PHLPP1: variants seen among roughly 807,000 people sequenced by gnomAD.
The protein encoded by PHLPP1 is PH domain and leucine rich repeat protein phosphatase 1.
Under a neutral mutation model 117.2 loss-of-function variants are expected in PHLPP1, and 42 were observed. The observed-to-expected ratio is 0.36, with a 90% CI of 0.28 to 0.46. The LOEUF is 0.46. PHLPP1 is among the 20% of genes least tolerant of loss of function. The pLI, the probability that PHLPP1 is intolerant of heterozygous loss-of-function variation, is 1.00. For missense variants in PHLPP1, 2,084 were observed against 2,241.9 expected (o/e 0.93, Z 1.42); for synonymous variants, 1,042 against 970.7 (o/e 1.07, Z -1.37).
At chr18:62,894,416 CA>C (rs986317923) in intron 4 of PHLPP1, among the ~76,000 whole-genome samples, 3 of 152,058 alleles carry the variant, frequency 2.0e-5, no homozygotes, top group African/African-American at 7.2e-5. Flanking sequence ...AGGCTGGTCC[CA>C]AACTTCTGGC....
At chr18:62,862,778 G>T (rs1403076529) in intron 4 of PHLPP1, among the ~76,000 whole-genome samples, 2 of 152,082 alleles carry the variant, frequency 1.3e-5, no homozygotes, top group African/African-American at 4.8e-5. Flanking sequence ...ATATACTCAG[G>T]GGTTGAGATG....
At chr18:62,902,355 G>T (rs2144406492) in intron 6 of PHLPP1, among the ~76,000 whole-genome samples, 1 of 152,254 alleles carries the variant, frequency 6.6e-6, no homozygotes, top group Middle Eastern at 3.4e-3. Flanking sequence ...AGTTTTGGTG[G>T]TTCATCCTGG....
intron 11 of PHLPP1, among the ~76,000 whole-genome samples, chr18:62,944,668 A>G (rs749677740): frequency 1.2e-4 from 18 of 152,186 alleles, no homozygotes; most frequent in Non-Finnish European, 2.4e-4. Flanking sequence ...AATATGAACT[A>G]TAGACCTGTT....
chr18:62,929,377 T>G lies in PHLPP1; in HGVS notation c.2960+9263T>G, dbSNP rs567033745. Among the ~76,000 whole-genome samples, 5 of 152,298 alleles carry G rather than the reference T, an allele frequency of 3.3e-5. No individual in the cohort carries two copies. In the South Asian group the frequency reaches 1.0e-3, roughly 32 times the overall value. On this transcript the variant is annotated intron_variant, in intron 10 of 16. Coordinates refer to ENST00000262719, the MANE Select transcript of PHLPP1 (RefSeq NM_194449.4). Reference sequence around the variant, plus strand: ...TTGTAATTTATAAATATGTAAGAGTTAATTCATTGTATTAGTCAACATTTT... The same window carrying G: ...TTGTAATTTATAAATATGTAAGAGTGAATTCATTGTATTAGTCAACATTTT...
chr18:62,934,986 C>T (rs1041189793), intron 10 of PHLPP1, among the ~76,000 whole-genome samples: 6 of 152,048 alleles, frequency 3.9e-5, no homozygotes, highest in African/African-American at 9.7e-5. Flanking sequence ...CAAGAAAGCC[C>T]GTTATTTTCA....
At chr18:62,829,720 C>A (rs1054821876) in intron 1 of PHLPP1, among the ~76,000 whole-genome samples, 1 of 152,180 alleles carries the variant, frequency 6.6e-6, no homozygotes, top group Middle Eastern at 3.4e-3. Flanking sequence ...CCACTGCACT[C>A]CAGCCTGGGT....
At chr18:62,850,992 C>T (rs1415103716) in intron 3 of PHLPP1, among the ~76,000 whole-genome samples, 2 of 152,160 alleles carry the variant, frequency 1.3e-5, no homozygotes, top group Non-Finnish European at 2.9e-5. Flanking sequence ...GCTGCATCCT[C>T]TTTAGTGAAT....
rs1265957948 is a variant in PHLPP1 at position 62,979,345 on chromosome 18, C to T, written c.5068C>T (p.Pro1690Ser). Residue 1690 changes from proline (P) to serine (S), a missense_variant, in exon 17 of 17, where the codon CCG becomes TCG. By Grantham distance (74) the Pro-to-Ser change is moderately conservative. Around this residue, in one of 2 missense-constraint regions of PHLPP1, gnomAD observed 1,365 missense variants for 1,605.9 expected, o/e 0.85. Transcript: ENST00000262719. ...HHQEQQQQQQ[P>S]PPPPQLQPQL... The stretch of plus-strand genomic sequence containing the variant: ...CCAGGAGCAACAGCAGCAGCAGCAG[C>T]CGCCACCACCCCCTCAGCTCCAGCC... 3 of 1,548,866 alleles carry T rather than the reference C, an allele frequency of 1.9e-6. No individual in the cohort carries two copies. The highest frequency in any genetic ancestry group is 4.9e-5 in the East Asian group (2 of 40,962).
At chr18:62,790,216 G>T (rs1161321441) in intron 1 of PHLPP1, among the ~76,000 whole-genome samples, 1 of 152,150 alleles carries the variant, frequency 6.6e-6, no homozygotes, top group Non-Finnish European at 1.5e-5. Context: ...ACAACCTTGG[G>T]CCAGGAGGCT....
chr18:62,948,141 A>G (rs1180620871), intron 12 of PHLPP1, among the ~76,000 whole-genome samples: 1 of 152,094 alleles, frequency 6.6e-6, no homozygotes, highest in African/African-American at 2.4e-5. Context: ...CCTCACCAAT[A>G]TGGTGAAACA....
intron 1 of PHLPP1, among the ~76,000 whole-genome samples, chr18:62,811,505 T>A (rs2087278879): frequency 6.6e-6 from 1 of 151,906 alleles, no homozygotes; most frequent in Admixed American, 6.6e-5. Context: ...CCAATCCGTT[T>A]ACTATGAAGA....
chr18:62,759,207 A>G (rs1912131607), intron 1 of PHLPP1, among the ~76,000 whole-genome samples: 1 of 152,226 alleles, frequency 6.6e-6, no homozygotes, highest in South Asian at 2.1e-4. Context: ...TGGCCCTGTC[A>G]TTCAGTGAGA....
At chr18:62,888,306 TG>T (rs1916331058) in intron 4 of PHLPP1, among the ~76,000 whole-genome samples, 1 of 148,256 alleles carries the variant, frequency 6.7e-6, no homozygotes, top group Non-Finnish European at 1.5e-5. Context: ...TGTGTGTGTG[TG>T]TGTGTGTGTG....
At chr18:62,753,406 T>A (rs1013662504) in intron 1 of PHLPP1, among the ~76,000 whole-genome samples, 1 of 152,232 alleles carries the variant, frequency 6.6e-6, no homozygotes, top group Non-Finnish European at 1.5e-5. Context: ...GGAAAATAAC[T>A]GAAGGCTTGT....
At chr18:62,725,261 G>A (rs1911035093) in intron 1 of PHLPP1, among the ~76,000 whole-genome samples, 1 of 151,782 alleles carries the variant, frequency 6.6e-6, no homozygotes, top group African/African-American at 2.4e-5. Context: ...TCCAGAGGCT[G>A]GGGCAGGAGA....
chr18:62,781,794 G>C (rs1913127138), intron 1 of PHLPP1, among the ~76,000 whole-genome samples: 1 of 151,982 alleles, frequency 6.6e-6, no homozygotes, highest in Admixed American at 6.6e-5. Flanking sequence ...AGATAACTTT[G>C]ATTTATTGTA....
chr18:62,902,292 T>C (rs1483716796), intron 6 of PHLPP1, among the ~76,000 whole-genome samples: 2 of 152,132 alleles, frequency 1.3e-5, no homozygotes, highest in Non-Finnish European at 2.9e-5. Flanking sequence ...AGATGCCGGA[T>C]TTCAGTATTT....
At chr18:62,932,606 G>A (rs938861042) in intron 10 of PHLPP1, among the ~76,000 whole-genome samples, 7 of 152,172 alleles carry the variant, frequency 4.6e-5, no homozygotes, top group Admixed American at 2.6e-4. Context: ...AGGCATCAAC[G>A]GAATGTACCT....
chr18:62,782,816 A>G (rs1318839092), intron 1 of PHLPP1, among the ~76,000 whole-genome samples: 1 of 152,210 alleles, frequency 6.6e-6, no homozygotes, highest in Non-Finnish European at 1.5e-5. Context: ...TGGCATAGCA[A>G]AAGGCAGTGC....
Sources: allele counts gnomAD v4.1 joint callset (sites outside exome capture counted in the v4.1 genomes callset), GRCh38; gene constraint gnomAD v4.1.1; regional missense constraint gnomAD v4.1.1; transcripts MANE v1.5; gene names NCBI Gene and HGNC (gene_info 2026-07-23, HGNC 2026-07-21).